Variants in KCNN3 observed in about 807,000 individuals in gnomAD.
KCNN3 encodes the protein potassium calcium-activated channel subfamily N member 3, also known as small conductance calcium-activated potassium channel protein 3.
A neutral mutation model predicts 62.9 loss-of-function variants in KCNN3; 16 were observed. The observed-to-expected ratio is 0.25, with a 90% CI of 0.17 to 0.39. The LOEUF (loss-of-function observed/expected upper bound fraction) is 0.39, where lower values mean the gene tolerates loss of function less well. Ranked by LOEUF, KCNN3 falls within the 10% of genes least tolerant of loss-of-function variation. The probability of loss-of-function intolerance (pLI) is 1.00; values close to 1 mark genes in which losing one functional copy is unlikely to be tolerated. For missense variants in KCNN3, 599 were observed against 949.4 expected (o/e 0.63, Z 4.85); for synonymous variants, 370 against 389.2 (o/e 0.95, Z 0.58).
At chr1:154,840,579 G>C (rs891548006) in intron 1 of KCNN3, among the ~76,000 whole-genome samples, 2 of 152,202 alleles carry the variant, frequency 1.3e-5, no homozygotes, top group African/African-American at 4.8e-5. Flanking sequence ...GGGAGCAACT[G>C]CCTGCAGAGA....
At chr1:154,708,473 TA>T (rs1444147674) in intron 7 of KCNN3, among the ~76,000 whole-genome samples, 1 of 152,062 alleles carries the variant, frequency 6.6e-6, no homozygotes. Context: ...ATTACAAAAG[TA>T]ATGAGTATTA....
chr1:154,757,021 T>G (rs75538214), intron 3 of KCNN3, among the ~76,000 whole-genome samples: 1 of 152,246 alleles, frequency 6.6e-6, no homozygotes, highest in African/African-American at 2.4e-5. Flanking sequence ...ATGGATGCAT[T>G]CCTGTGAGAG....
chr1:154,837,497 A>C (rs768888904), intron 1 of KCNN3, among the ~76,000 whole-genome samples: 2 of 151,382 alleles, frequency 1.3e-5, no homozygotes, highest in Non-Finnish European at 2.9e-5. Flanking sequence ...AACCCAGCCA[A>C]CTCCTCCTCC....
intron 1 of KCNN3, among the ~76,000 whole-genome samples, chr1:154,848,494 C>T (rs557444170): frequency 3.9e-5 from 6 of 152,316 alleles, no homozygotes; most frequent in African/African-American, 1.2e-4. Context: ...ATACCTTCCA[C>T]TGTTCCCTGT....
chr1:154,760,582 T>G (rs1056142512), intron 3 of KCNN3, among the ~76,000 whole-genome samples: 1 of 152,158 alleles, frequency 6.6e-6, no homozygotes, highest in Non-Finnish European at 1.5e-5. Flanking sequence ...ACCGCCCACC[T>G]GGCCCTCCCT....
chr1:154,717,664 C>T (rs1453383623), intron 5 of KCNN3, among the ~76,000 whole-genome samples: 1 of 151,758 alleles, frequency 6.6e-6, no homozygotes, highest in Non-Finnish European at 1.5e-5. Flanking sequence ...CACAGCACGG[C>T]CCGGGTAGCT....
intron 2 of KCNN3, among the ~76,000 whole-genome samples, chr1:154,780,478 T>G (rs1046944643): frequency 6.7e-6 from 1 of 150,342 alleles, no homozygotes; most frequent in African/African-American, 2.4e-5. Flanking sequence ...TCTCTCTCTG[T>G]GGGGAGAAGA....
At chr1:154,815,888 C>T (rs1006535073) in intron 2 of KCNN3, among the ~76,000 whole-genome samples, 4 of 152,150 alleles carry the variant, frequency 2.6e-5, no homozygotes, top group South Asian at 2.1e-4. Context: ...ACTCATTTAG[C>T]GGTGGGACCC....
In KCNN3 at chr1:154,799,505, C is replaced by T. The variant is rs566567538; in HGVS notation, c.1029+22584G>A. Among the ~76,000 whole-genome samples the T allele has an allele frequency of 1.1e-3, 167 of 152,298 alleles. 1 individual carries two copies. Among genetic ancestry groups the T allele is most frequent in the African/African-American group, 3.8e-3 (156 of 41,560 alleles). On this transcript the variant is annotated intron_variant, in intron 2 of 7. Transcript: ENST00000271915. ...GAGCGTAGCCAGAGTCTCCAGAAAA[C>T]GAGGGCAGGCTGACCCGCTTTTGGA...
rs148783707 is a variant in KCNN3, at chr1:154,765,313, A to T, written c.1448+6662T>A. On this transcript the variant is annotated intron_variant, in intron 3 of 7. Transcript: ENST00000271915. ...TCCAAATTTATCATTTCTTCCTCTG[A>T]AATAACTCTAATTCTTAGATTTCAC... Among the ~76,000 whole-genome samples the T allele has an allele frequency of 3.3e-3, 500 of 152,176 alleles. 3 individuals carry two copies. Among genetic ancestry groups the T allele is most frequent in the African/African-American group, 0.012 (484 of 41,496 alleles).
intron 1 of KCNN3, among the ~76,000 whole-genome samples, chr1:154,853,186 G>A (rs1055215892): frequency 2.0e-5 from 3 of 151,052 alleles, no homozygotes; most frequent in Non-Finnish European, 4.4e-5. Context: ...TGAGAGTCTT[G>A]CCATGCTGTC....
chr1:154,851,307 C>T (rs1652291486), intron 1 of KCNN3, among the ~76,000 whole-genome samples: 1 of 152,264 alleles, frequency 6.6e-6, no homozygotes, highest in African/African-American at 2.4e-5. Context: ...AGCCATGCCT[C>T]GAACAGACCT....
In KCNN3 at chr1:154,782,627, A is replaced by C. The variant is rs559561858; in HGVS notation, c.1030-10234T>G. Among the ~76,000 whole-genome samples the C allele has an allele frequency of 2.0e-5, 3 of 152,348 alleles. 1 individual carries two copies. In the East Asian group the frequency reaches 5.8e-4, roughly 29 times the overall value. ...GCCTCAACAAATGCGTTTTGGGGAG[A>C]CACAATTCAGTTCATAGCTATTCCC... On this transcript the variant is annotated intron_variant, in intron 2 of 7. Transcript: ENST00000271915.
In KCNN3 at chr1:154,708,039, A is replaced by C; in HGVS notation, c.2133T>G (p.Asp711Glu). The part of the protein sequence containing the change: ...AVGTTHTPIS[D>E]SPIGVSSTSF... ...AGGTGGAGCTGACCCCAATGGGGCT[A>C]TCGGAGATTGGGGTGTGGGTGGTGC... is the stretch of plus-strand genomic sequence containing the variant. Residue 711 changes from aspartate (D) to glutamate (E), a missense_variant, in exon 8 of 8, where the codon GAT becomes GAG. This residue lies in a region of KCNN3 where 52 missense variants were observed against 53.3 expected (regional missense o/e 0.98). Coordinates refer to ENST00000271915, the MANE Select transcript of KCNN3 (RefSeq NM_002249.6). The C allele has an allele frequency of 6.2e-7, 1 of 1,613,390 alleles. No homozygotes were observed. The highest frequency in any genetic ancestry group is 8.5e-7 in the Non-Finnish European group (1 of 1,179,510).
rs1293000502 is a variant in KCNN3, at chr1:154,772,656, G to A, written c.1030-263C>T. 2.0e-5 allele frequency among the ~76,000 whole-genome samples: 3 copies of A among 152,244 alleles called. No individual in the cohort carries two copies. The highest frequency in any genetic ancestry group is 6.5e-5 in the Admixed American group (1 of 15,280). The stretch of plus-strand genomic sequence containing the variant: ...TTTCCTCCTCTGCAAATCGCTGCCT[G>A]AGATATAGTGATTTATAATAAGAAA... On this transcript the variant is annotated intron_variant, in intron 2 of 7. Transcript: ENST00000271915. The surrounding 1 kb of genome is among the most constrained non-coding windows in gnomAD (Gnocchi z 5.6).
chr1:154,835,508 G>T (rs536700186), intron 1 of KCNN3, among the ~76,000 whole-genome samples: 1 of 152,292 alleles, frequency 6.6e-6, no homozygotes, highest in Admixed American at 6.5e-5. Context: ...CTGGATCAAA[G>T]CAATTGTTAG....
chr1:154,800,818 G>A (rs1649923992), intron 2 of KCNN3, among the ~76,000 whole-genome samples: 1 of 152,170 alleles, frequency 6.6e-6, no homozygotes, highest in African/African-American at 2.4e-5. Context: ...GCCAAGTCAG[G>A]CAGATGGCTT....
intron 2 of KCNN3, among the ~76,000 whole-genome samples, chr1:154,803,952 G>T (rs1450838918): frequency 6.6e-6 from 1 of 152,318 alleles, no homozygotes; most frequent in African/African-American, 2.4e-5. Context: ...TCCAATCCCT[G>T]CCTGTGTGGG....
chr1:154,840,370 G>A (rs766653661), intron 1 of KCNN3, among the ~76,000 whole-genome samples: 17 of 152,100 alleles, frequency 1.1e-4, no homozygotes, highest in Non-Finnish European at 2.2e-4. Flanking sequence ...AAAAAGCGGC[G>A]TGTGAGATCA....
Sources: gnomAD v4.1 joint callset for allele counts (sites outside exome capture counted in the v4.1 genomes callset) on GRCh38, gnomAD v4.1.1 for gene constraint, gnomAD v4.1.1 regional missense constraint, Gnocchi (gnomAD v3.1) non-coding constraint, MANE v1.5 for transcripts, NCBI Gene and HGNC (gene_info 2026-07-23, HGNC 2026-07-21) for gene names.